Variants in DNMBP observed in about 807,000 individuals in gnomAD.
DNMBP encodes dynamin-binding protein.
DNMBP carries 87 observed loss-of-function variants against 150.0 expected under a neutral mutation model. The ratio of observed to expected loss-of-function variants is 0.58; its 90% CI spans 0.49 to 0.69. The LOEUF is 0.69. Ranked by LOEUF, DNMBP falls within the 30% of genes least tolerant of loss-of-function variation. The pLI, the probability that DNMBP is intolerant of heterozygous loss-of-function variation, is 0.00. For synonymous variants in DNMBP, 711 were observed against 750.4 expected (o/e 0.95, Z 0.86); for missense variants, 1,774 against 1,949.0 (o/e 0.91, Z 1.69).
At chr10:99,924,504 C>G (rs971816241) in intron 4 of DNMBP, among the ~76,000 whole-genome samples, 1 of 152,204 alleles carries the variant, frequency 6.6e-6, no homozygotes. Context: ...TTCCAACTGT[C>G]CATAGCATTT....
chr10:99,914,937 CAA>C (rs2039944470), intron 4 of DNMBP, among the ~76,000 whole-genome samples: 1 of 150,496 alleles, frequency 6.6e-6, no homozygotes, highest in Admixed American at 6.6e-5. Flanking sequence ...ACTAATAATA[CAA>C]AAAAATTAGC....
rs750096319 is a variant in DNMBP at position 99,894,996 on chromosome 10, A to ATCTT, written c.3102_3105dup (p.Leu1036LysfsTer4). The ATCTT allele has an allele frequency of 6.2e-7, 1 of 1,614,058 alleles. No individual in the cohort carries two copies. Among genetic ancestry groups the ATCTT allele is most frequent in the Non-Finnish European group, 8.5e-7 (1 of 1,179,978 alleles). The stretch of plus-strand genomic sequence containing the variant: ...AGGTCTCGGATAAAAGACTTAATCA[A>ATCTT]TCTTTCTTGCATTCGGAAGTTTTTT... On this transcript the variant is annotated frameshift_variant, in exon 11 of 17. Transcript: ENST00000324109. LOFTEE classifies it high-confidence loss of function.
chr10:99,963,152 T>C (rs1438451155), intron 3 of DNMBP, among the ~76,000 whole-genome samples: 1 of 152,012 alleles, frequency 6.6e-6, no homozygotes, highest in Non-Finnish European at 1.5e-5. Context: ...CATTGTAGCC[T>C]TGACCTCCCA....
chr10:99,943,487 C>T (rs778926004), intron 4 of DNMBP, among the ~76,000 whole-genome samples: 1 of 152,100 alleles, frequency 6.6e-6, no homozygotes, highest in African/African-American at 2.4e-5. Flanking sequence ...ACTGCAGCCT[C>T]GGCCTCCTGG....
chr10:99,997,114 C>G (rs1187805197), intron 1 of DNMBP, among the ~76,000 whole-genome samples: 2 of 152,240 alleles, frequency 1.3e-5, no homozygotes, highest in African/African-American at 4.8e-5. Context: ...CTCCTCTTCC[C>G]TGACCCTCTA....
At chr10:99,987,564 T>C (rs2040842455) in intron 1 of DNMBP, among the ~76,000 whole-genome samples, 2 of 151,934 alleles carry the variant, frequency 1.3e-5, no homozygotes, top group African/African-American at 4.8e-5. Context: ...CAAAACCCTG[T>C]CTCTACTAAA....
chr10:99,994,659 T>C (rs1027222077), intron 1 of DNMBP, among the ~76,000 whole-genome samples: 2 of 152,168 alleles, frequency 1.3e-5, no homozygotes, highest in Non-Finnish European at 2.9e-5. Flanking sequence ...GATCCCTGCA[T>C]ATGGGTCCAG....
In DNMBP at chr10:99,984,532, C is replaced by T. The variant is rs1039249823; in HGVS notation, c.-10-12398G>A. Among the ~76,000 whole-genome samples the T allele has an allele frequency of 2.0e-5, 3 of 152,112 alleles. No homozygotes were observed. In the East Asian group the frequency reaches 5.8e-4, roughly 29 times the overall value. On this transcript the variant is annotated intron_variant, in intron 1 of 16. Transcript: ENST00000324109. ...TATAGATAACAAAGAACACAATAAA[C>T]GTGTAAAAACACGCAGTTTTTAAGA...
chr10:99,956,905 C>T lies in DNMBP; in HGVS notation c.569G>A (p.Arg190Gln), dbSNP rs202042155. Reference protein sequence around the residue: ...PGWFEGELEGRRGIFPEGFVE... With the variant: ...PGWFEGELEGQRGIFPEGFVE... Reference sequence around the variant, plus strand: ...AAAACCTTCTGGAAAAATGCCTCTTCGGCCCTCTAACTCCCCTTCAAACCA... The same window carrying T: ...AAAACCTTCTGGAAAAATGCCTCTTTGGCCCTCTAACTCCCCTTCAAACCA... Residue 190 changes from arginine to glutamine, a missense_variant, in exon 4 of 17, where the codon CGA becomes CAA. Arg to Gln is a conservative substitution (Grantham distance 43, BLOSUM62 1). Around this residue, in one of 2 missense-constraint regions of DNMBP, gnomAD observed 344 missense variants for 456.6 expected, o/e 0.75. Transcript: ENST00000324109. The T allele has an allele frequency of 1.1e-5, 18 of 1,614,206 alleles. No homozygotes were observed. The highest frequency in any genetic ancestry group is 1.6e-4 in the Middle Eastern group (1 of 6,062).
Position 99,885,782 on chromosome 10 carries a change from A to G in DNMBP, c.3703T>C (p.Phe1235Leu). 1 of 1,611,842 alleles carries G rather than the reference A, an allele frequency of 6.2e-7. No individual in the cohort carries two copies. Among genetic ancestry groups the G allele is most frequent in the Non-Finnish European group, 8.5e-7 (1 of 1,179,146 alleles). ...GGAAGAGACTCCGGGAAGAAGGTAAAAACCTGGAGTTGCTGCAGAACTCTG... is the reference window on the plus strand; with the variant it reads ...GGAAGAGACTCCGGGAAGAAGGTAAGAACCTGGAGTTGCTGCAGAACTCTG... The part of the protein sequence containing the change: ...HSRVLQQLQV[F>L]TFFPESLPAT... The change falls in exon 14 of 17, where the codon TTT becomes CTT. Residue 1235 changes from phenylalanine (F) to leucine (L), a missense_variant. Physicochemically the swap from Phe to Leu is conservative, Grantham distance 22 (BLOSUM62 0). Around this residue, in one of 2 missense-constraint regions of DNMBP, gnomAD observed 1,430 missense variants for 1,492.5 expected, o/e 0.96. Coordinates refer to ENST00000324109, the MANE Select transcript of DNMBP (RefSeq NM_015221.4).
chr10:99,893,540 C>G (rs1297198869), intron 11 of DNMBP, among the ~76,000 whole-genome samples: 1 of 152,186 alleles, frequency 6.6e-6, no homozygotes, highest in Non-Finnish European at 1.5e-5. Flanking sequence ...TCGACACCAT[C>G]CTGGCCAACA....
chr10:99,945,575 T>C (rs1230505103), intron 4 of DNMBP, among the ~76,000 whole-genome samples: 1 of 152,222 alleles, frequency 6.6e-6, no homozygotes, highest in Admixed American at 6.5e-5. Context: ...GTCTAAGAAA[T>C]AAAGTTTTGC....
At position 99,877,015 on chromosome 10, in the gene DNMBP, T is replaced by C. The variant is rs753368772; in HGVS notation, c.*136A>G. The stretch of plus-strand genomic sequence containing the variant: ...CAATCGAGGAGAACAAGATCTGTGG[T>C]GTGCTCCACCATGCCATGGTTAAGC... On this transcript the variant is annotated 3_prime_UTR_variant, in exon 17 of 17. Transcript: ENST00000324109. 3 of 674,434 alleles carry C rather than the reference T, an allele frequency of 4.4e-6. No individual in the cohort carries two copies. Among genetic ancestry groups the C allele is most frequent in the Non-Finnish European group, 7.5e-6 (3 of 402,094 alleles). 41.8% of individuals were successfully genotyped at this position (674,434 alleles called of 1,614,324 possible).
At chr10:99,998,212 T>C (rs890360056) in intron 1 of DNMBP, among the ~76,000 whole-genome samples, 1 of 144,014 alleles carries the variant, frequency 6.9e-6, no homozygotes, top group African/African-American at 2.6e-5. Flanking sequence ...TCCAGCCTGG[T>C]GACAGAGCAA....
intron 4 of DNMBP, among the ~76,000 whole-genome samples, chr10:99,941,918 G>A (rs1433510162): frequency 6.6e-6 from 1 of 152,198 alleles, no homozygotes; most frequent in Non-Finnish European, 1.5e-5. Context: ...GGTCACTGCA[G>A]TAGCCTCCTA....
intron 3 of DNMBP, among the ~76,000 whole-genome samples, chr10:99,960,600 A>C (rs540210357): frequency 3.0e-4 from 46 of 152,306 alleles, no homozygotes; most frequent in African/African-American, 1.0e-3. Flanking sequence ...TCAGGTCAGG[A>C]GTTCAAGACT....
intron 1 of DNMBP, among the ~76,000 whole-genome samples, chr10:99,976,643 G>A (rs923304085): frequency 6.6e-6 from 1 of 152,140 alleles, no homozygotes; most frequent in African/African-American, 2.4e-5. Context: ...TGGTGGGAAA[G>A]GACACATGTT....
intron 8 of DNMBP, 63 bp downstream of exon 8, chr10:99,898,680 G>T (rs1390645164): frequency 3.2e-6 from 5 of 1,565,978 alleles, no homozygotes; most frequent in Non-Finnish European, 4.4e-6. Flanking sequence ...AGTTGCTTAA[G>T]AGTTAGTTAG....
At chr10:99,878,340 C>T (rs187831027) in intron 16 of DNMBP, among the ~76,000 whole-genome samples, 2 of 152,190 alleles carry the variant, frequency 1.3e-5, no homozygotes, top group Non-Finnish European at 2.9e-5. Context: ...GGGAGGGACA[C>T]GTGCCCCAAG....
Sources: gnomAD v4.1 joint callset for allele counts (sites outside exome capture counted in the v4.1 genomes callset) on GRCh38, gnomAD v4.1.1 for gene constraint, gnomAD v4.1.1 regional missense constraint, MANE v1.5 for transcripts, NCBI Gene and HGNC (gene_info 2026-07-23, HGNC 2026-07-21) for gene names.